The following INTS8 variants were observed in gnomAD, a reference collection of about 807,000 sequenced individuals.
INTS8 encodes the protein protein kaonashi-1.
A neutral mutation model predicts 138.9 loss-of-function variants in INTS8; 47 were observed. That is an observed-to-expected ratio of 0.34 (90% CI 0.27 to 0.43). The LOEUF (loss-of-function observed/expected upper bound fraction) is 0.43, where lower values mean the gene tolerates loss of function less well. Ranked by LOEUF, INTS8 falls within the 20% of genes least tolerant of loss-of-function variation. The pLI, the probability that INTS8 is intolerant of heterozygous loss-of-function variation, is 1.00. For missense variants in INTS8, 996 were observed against 1,173.0 expected (o/e 0.85, Z 2.20); for synonymous variants, 392 against 400.9 (o/e 0.98, Z 0.27).
chr8:94,875,257 C>T (rs539541314), intron 23 of INTS8, among the ~76,000 whole-genome samples: 1 of 152,278 alleles, frequency 6.6e-6, no homozygotes, highest in South Asian at 2.1e-4. Context: ...GAACATAATG[C>T]AGCATATCTA....
At chr8:94,855,075 C>G (rs1271724221) in intron 14 of INTS8, among the ~76,000 whole-genome samples, 3 of 152,086 alleles carry the variant, frequency 2.0e-5, no homozygotes, top group Admixed American at 6.6e-5. Context: ...AATTTTGGGG[C>G]CCTGTCCTAG....
chr8:94,847,044 A>G (rs1426996206), intron 10 of INTS8, among the ~76,000 whole-genome samples: 1 of 151,866 alleles, frequency 6.6e-6, no homozygotes, highest in Non-Finnish European at 1.5e-5. Flanking sequence ...ACATATTTTT[A>G]TTTTTTTATT....
At chr8:94,867,103 T>TA (rs774919349) in intron 18 of INTS8, 37 bp from the exon 19 acceptor site, 1 of 1,463,082 alleles carries the variant, frequency 6.8e-7, no homozygotes, top group South Asian at 1.2e-5. Context: ...TAAATATACA[T>TA]ACACTGTTTA....
chr8:94,881,472 T>C lies in INTS8; in HGVS notation c.*1238T>C. On this transcript the variant is annotated 3_prime_UTR_variant, in exon 27 of 27. Coordinates refer to ENST00000523731, the MANE Select transcript of INTS8 (RefSeq NM_017864.4). ...ATAGGAAATAATTAAATGTATTCTT[T>C]AGTGCCAATTGTAAGTTTTAAAATC... 2 of 636,318 alleles carry C rather than the reference T, an allele frequency of 3.1e-6. No homozygotes were observed. The highest frequency in any genetic ancestry group is 5.4e-6 in the Non-Finnish European group (2 of 370,760). 39.4% of individuals were successfully genotyped at this position (636,318 alleles called of 1,614,324 possible).
chr8:94,872,043 G>T, intron 21 of INTS8, 41 bp downstream of exon 21: 1 of 957,556 alleles, frequency 1.0e-6, no homozygotes, highest in Non-Finnish European at 1.7e-6. Flanking sequence ...TGTTTTTATA[G>T]CACTTTTTGA....
At position 94,881,033 on chromosome 8, in the gene INTS8, CAAAT is replaced by C. The variant is rs1008010432; in HGVS notation, c.*803_*806del. On this transcript the variant is annotated 3_prime_UTR_variant, in exon 27 of 27. Transcript: ENST00000523731. ...AGTTAAAAAATGTGTTATGGCAAGGCAAATAAACTAGTTTAAAAAACATTAAATT... is the reference window on the plus strand; with the variant it reads ...AGTTAAAAAATGTGTTATGGCAAGGCAAACTAGTTTAAAAAACATTAAATT... 3 of 398,398 alleles carry C rather than the reference CAAAT, an allele frequency of 7.5e-6. No individual in the cohort carries two copies. Among genetic ancestry groups the C allele is most frequent in the Non-Finnish European group, 4.4e-6 (1 of 225,724 alleles). The allele number at this position is 398,398 out of a possible 1,614,324, so 24.7% of individuals were successfully genotyped here.
intron 20 of INTS8, among the ~76,000 whole-genome samples, chr8:94,869,754 G>T (rs779482584): frequency 6.6e-6 from 1 of 152,156 alleles, no homozygotes; most frequent in Non-Finnish European, 1.5e-5. Flanking sequence ...GCCTCCCAAA[G>T]TGCTGGGATT....
chr8:94,844,380 A>G (rs938216366), intron 10 of INTS8, among the ~76,000 whole-genome samples: 2 of 147,838 alleles, frequency 1.4e-5, no homozygotes, highest in Admixed American at 1.3e-4. Context: ...GCAGTGGTAC[A>G]ATTTCAGCTC....
chr8:94,837,239 T>G (rs1447588562), intron 7 of INTS8, among the ~76,000 whole-genome samples: 1 of 152,212 alleles, frequency 6.6e-6, no homozygotes, highest in African/African-American at 2.4e-5. Flanking sequence ...TAAACTTGGC[T>G]TTCATTAATT....
intron 12 of INTS8, among the ~76,000 whole-genome samples, chr8:94,850,473 A>G (rs528352807): frequency 5.0e-4 from 76 of 152,166 alleles, no homozygotes; most frequent in Middle Eastern, 6.8e-3. Flanking sequence ...TTAGCCAGGC[A>G]TGGTGGTGGG....
Position 94,842,398 on chromosome 8 carries a change from C to G in INTS8, c.1170C>G (p.Val390=). ...TTAAAGTTTGTGCCTGTAATACAGT[C>G]CGTGATATACTGGAAGGCAGAACAA... ...ICFKVCACNT[V]RDILEGRTIS... is the part of the protein sequence containing the mutation. Residue 390 remains valine (V), a synonymous_variant, in exon 10 of 27, where the codon GTC becomes GTG. Coordinates refer to ENST00000523731, the MANE Select transcript of INTS8 (RefSeq NM_017864.4). The G allele has an allele frequency of 6.2e-7, 1 of 1,603,090 alleles. No individual in the cohort carries two copies. Among genetic ancestry groups the G allele is most frequent in the Non-Finnish European group, 8.5e-7 (1 of 1,170,424 alleles).
Position 94,866,030 on chromosome 8 carries a change from A to G in INTS8, c.2262-128A>G, listed in dbSNP as rs79567845. 335 of 566,426 alleles carry G rather than the reference A, an allele frequency of 5.9e-4. 1 individual carries two copies. The highest frequency in any genetic ancestry group is 5.9e-3 in the African/African-American group (312 of 52,984). 35.1% of individuals were successfully genotyped at this position (566,426 alleles called of 1,614,324 possible). On this transcript the variant is annotated intron_variant, in intron 17 of 26. Transcript: ENST00000523731. The stretch of plus-strand genomic sequence containing the variant: ...GTTATTAGGTTAGTATAACAGTAGA[A>G]TATTACATTCCTTTTCACACTTGCA...
intron 12 of INTS8, 116 bp from the exon 13 acceptor site, chr8:94,851,437 C>G (rs567185974): frequency 5.3e-4 from 350 of 661,858 alleles, no homozygotes; most frequent in Non-Finnish European, 7.4e-4. Context: ...CATCAGTTCT[C>G]AAGATGATAG....
chr8:94,865,377 A>G (rs940512693), intron 16 of INTS8, 129 bp from the exon 17 acceptor site: 4 of 690,372 alleles, frequency 5.8e-6, no homozygotes, highest in Non-Finnish European at 9.8e-6. Context: ...CAGAATGCAC[A>G]GCATAAAATA....
intron 1 of INTS8, among the ~76,000 whole-genome samples, 179 bp from the exon 2 acceptor site, chr8:94,824,714 T>C (rs150021716): frequency 1.3e-5 from 2 of 148,202 alleles, no homozygotes; most frequent in African/African-American, 2.5e-5. Context: ...ACTTCTTACA[T>C]ACGTATTCCT....
intron 20 of INTS8, 109 bp downstream of exon 20, chr8:94,867,446 G>A: frequency 1.4e-6 from 1 of 727,954 alleles, no homozygotes; most frequent in East Asian, 2.7e-5. Flanking sequence ...AGAAATCTAA[G>A]ATTCTACAGT....
At chr8:94,878,574 C>T (rs933248561) in intron 26 of INTS8, among the ~76,000 whole-genome samples, 4 of 152,186 alleles carry the variant, frequency 2.6e-5, no homozygotes, top group African/African-American at 9.7e-5. Flanking sequence ...TTCTCTCCCC[C>T]TCAATAACCT....
At chr8:94,824,222 C>G (rs1355360697) in intron 1 of INTS8, among the ~76,000 whole-genome samples, 1 of 152,166 alleles carries the variant, frequency 6.6e-6, no homozygotes, top group East Asian at 1.9e-4. Context: ...GTAAGTTCCT[C>G]GGATAGCATT....
chr8:94,827,893 A>T, intron 4 of INTS8, 100 bp downstream of exon 4: 1 of 965,526 alleles, frequency 1.0e-6, no homozygotes, highest in South Asian at 1.3e-5. Flanking sequence ...GAAGTAGAGC[A>T]GGAATAGGAG....
Sources: allele counts gnomAD v4.1 joint callset (sites outside exome capture counted in the v4.1 genomes callset), GRCh38; gene constraint gnomAD v4.1.1; transcripts MANE v1.5; gene names NCBI Gene and HGNC (gene_info 2026-07-23, HGNC 2026-07-21).